Variants in CDH12 observed in about 807,000 individuals in gnomAD.
CDH12 encodes the protein cadherin 12.
A neutral mutation model predicts 74.1 loss-of-function variants in CDH12; 41 were observed. The observed-to-expected ratio is 0.55, with a 90% confidence interval of 0.43 to 0.72. The LOEUF (loss-of-function observed/expected upper bound fraction) is 0.72. CDH12 is among the 30% of genes least tolerant of loss of function. The pLI is 0.00. For synonymous variants in CDH12, 399 were observed against 355.0 expected (o/e 1.12, Z -1.39); for missense variants, 945 against 977.2 (o/e 0.97, Z 0.44).
At position 22,392,704 on chromosome 5, in the gene CDH12, T is replaced by C. The variant is rs115649674; in HGVS notation, c.-333+12553A>G. Among the ~76,000 whole-genome samples, 1,066 of 152,270 alleles carry C rather than the reference T, an allele frequency of 7.0e-3. 9 individuals carry two copies. Among genetic ancestry groups the C allele is most frequent in the African/African-American group, 0.025 (1,020 of 41,546 alleles). ...ATTGTTTAAAGCACAGCAGAATGCATTGTGAATCCTGGATTGTAGGAAAGT... is the reference window on the plus strand; with the variant it reads ...ATTGTTTAAAGCACAGCAGAATGCACTGTGAATCCTGGATTGTAGGAAAGT... On this transcript the variant is annotated intron_variant, in intron 3 of 14. Coordinates refer to ENST00000382254, the MANE Select transcript of CDH12 (RefSeq NM_004061.5).
chr5:22,256,643 C>T (rs750923827), intron 3 of CDH12, among the ~76,000 whole-genome samples: 1 of 152,106 alleles, frequency 6.6e-6, no homozygotes, highest in Non-Finnish European at 1.5e-5. Flanking sequence ...ATGCCAGCTC[C>T]ATGACTATTA....
chr5:21,969,797 C>A (rs1305016478), intron 6 of CDH12, among the ~76,000 whole-genome samples: 2 of 151,972 alleles, frequency 1.3e-5, no homozygotes, highest in African/African-American at 2.4e-5. Flanking sequence ...TAAAAGTAAC[C>A]ATCATCAGTA....
rs1561224482 is a variant in CDH12, at chr5:21,833,036, A to ATT, written c.814+9124_814+9125insAA. Among the ~76,000 whole-genome samples the ATT allele has an allele frequency of 2.9e-5, 2 of 69,728 alleles. 1 individual carries two copies. Among genetic ancestry groups the ATT allele is most frequent in the African/African-American group, 1.3e-4 (2 of 15,794 alleles). The allele number at this position is 69,728 out of a possible 152,430, so 45.7% of individuals were successfully genotyped here. A position where few individuals can be genotyped will look rare whatever the true frequency, so the allele number is the denominator to read the frequency against. On this transcript the variant is annotated intron_variant, in intron 8 of 14. Transcript: ENST00000382254. The stretch of plus-strand genomic sequence containing the variant: ...ATATATGATATAATATATAATATAT[A>ATT]ATATATAATATATATTATATGTTAT...
intron 1 of CDH12, among the ~76,000 whole-genome samples, chr5:22,731,658 G>A (rs1744436203): frequency 6.6e-6 from 1 of 151,740 alleles, no homozygotes; most frequent in African/African-American, 2.4e-5. Context: ...GTTTACTTAT[G>A]GAAGTATAGG....
intron 4 of CDH12, among the ~76,000 whole-genome samples, chr5:22,079,375 G>C (rs963812013): frequency 1.3e-5 from 2 of 151,932 alleles, no homozygotes; most frequent in African/African-American, 4.8e-5. Context: ...TCCCCTAGGG[G>C]AGCAAAAAAT....
chr5:22,703,942 AG>A (rs1433843635), intron 1 of CDH12, among the ~76,000 whole-genome samples: 64 of 152,178 alleles, frequency 4.2e-4, no homozygotes, highest in Non-Finnish European at 8.2e-4. Context: ...TTAACATAAT[AG>A]ACGTATTTGG....
At chr5:22,529,136 C>CAT (rs1180879529) in intron 1 of CDH12, among the ~76,000 whole-genome samples, 4 of 77,468 alleles carry the variant, frequency 5.2e-5, no homozygotes, top group South Asian at 3.6e-4. Context: ...TGAATATATG[C>CAT]ATATATATAC....
rs1162159527 is a variant in CDH12, at chr5:22,361,402, A to G, written c.-333+43855T>C. On this transcript the variant is annotated intron_variant, in intron 3 of 14. Transcript: ENST00000382254. Reference sequence around the variant, plus strand: ...GTGAAGGACCTCTTCAAGGAGAACTACAAATCACTGCTCAATGAAATAAAA... The same window carrying G: ...GTGAAGGACCTCTTCAAGGAGAACTGCAAATCACTGCTCAATGAAATAAAA... Among the ~76,000 whole-genome samples, 3 of 152,326 alleles carry G rather than the reference A, an allele frequency of 2.0e-5. No homozygotes were observed. In the East Asian group the frequency reaches 5.8e-4, roughly 29 times the overall value.
At chr5:22,348,216 T>A (rs1181520483) in intron 3 of CDH12, among the ~76,000 whole-genome samples, 5 of 152,212 alleles carry the variant, frequency 3.3e-5, no homozygotes, top group Non-Finnish European at 7.4e-5. Flanking sequence ...TCTGACATTT[T>A]ACTGAGATAA....
chr5:22,832,960 T>A (rs1411761841), intron 1 of CDH12, among the ~76,000 whole-genome samples: 1 of 152,204 alleles, frequency 6.6e-6, no homozygotes, highest in Non-Finnish European at 1.5e-5. Context: ...ATCTTTTTAA[T>A]CAGCAAAAAT....
rs540351398 is a variant in CDH12, at chr5:22,799,604, C to T, written c.-523+53454G>A. Among the ~76,000 whole-genome samples, 86 of 152,176 alleles carry T rather than the reference C, an allele frequency of 5.7e-4. 1 individual carries two copies. The highest frequency in any genetic ancestry group is 3.4e-3 in the Middle Eastern group (1 of 292). On this transcript the variant is annotated intron_variant, in intron 1 of 14. Coordinates refer to ENST00000382254, the MANE Select transcript of CDH12 (RefSeq NM_004061.5). ...TTATATGTGACACTTTTTAAAAATACGTGTGCTCTTTAATTGACTTATTGC... is the reference window on the plus strand; with the variant it reads ...TTATATGTGACACTTTTTAAAAATATGTGTGCTCTTTAATTGACTTATTGC...
intron 4 of CDH12, among the ~76,000 whole-genome samples, chr5:22,130,335 G>T (rs1270983405): frequency 1.3e-5 from 2 of 151,942 alleles, no homozygotes; most frequent in Non-Finnish European, 2.9e-5. Context: ...GGCAGTGCTG[G>T]ATGATCGTGA....
chr5:21,976,558 CAT>C (rs1338335243), intron 5 of CDH12, among the ~76,000 whole-genome samples: 8 of 150,346 alleles, frequency 5.3e-5, no homozygotes, highest in Non-Finnish European at 8.9e-5. Flanking sequence ...ATATACATAA[CAT>C]AGTCTTATAA....
chr5:21,795,167 A>G (rs555867008), intron 10 of CDH12, among the ~76,000 whole-genome samples: 75 of 151,352 alleles, frequency 5.0e-4, no homozygotes, highest in Non-Finnish European at 1.0e-3. Context: ...GTTCATGATT[A>G]TTTGCAAAGC....
intron 1 of CDH12, among the ~76,000 whole-genome samples, chr5:22,803,215 A>G (rs533534508): frequency 6.6e-6 from 1 of 152,346 alleles, no homozygotes; most frequent in East Asian, 1.9e-4. Flanking sequence ...TTAGTCTTCC[A>G]CATCTCCAAA....
At chr5:22,708,773 A>G (rs1743149482) in intron 1 of CDH12, among the ~76,000 whole-genome samples, 1 of 152,182 alleles carries the variant, frequency 6.6e-6, no homozygotes, top group African/African-American at 2.4e-5. Context: ...AAAATAGAAA[A>G]ATGAATATAA....
At chr5:22,757,635 C>T (rs542950943) in intron 1 of CDH12, among the ~76,000 whole-genome samples, 1 of 152,032 alleles carries the variant, frequency 6.6e-6, no homozygotes, top group African/African-American at 2.4e-5. Flanking sequence ...ATTTTTAATC[C>T]TTCATGTGTC....
chr5:22,229,860 T>TAC (rs150657280), intron 3 of CDH12, among the ~76,000 whole-genome samples: 2,900 of 148,708 alleles, frequency 0.02, 31 homozygotes, highest in African/African-American at 0.033. Flanking sequence ...TTCTAATTGA[T>TAC]ACACACACAC....
Position 22,136,525 on chromosome 5 carries a change from C to T in CDH12, c.-186-57663G>A, listed in dbSNP as rs182047539. Among the ~76,000 whole-genome samples the T allele has an allele frequency of 6.9e-3, 1,050 of 151,366 alleles. 10 individuals carry two copies. Among genetic ancestry groups the T allele is most frequent in the Non-Finnish European group, 0.011 (771 of 67,774 alleles). ...GAACCTTTTGGAGACCTATATTTGG[C>T]ACTAAAAATACCATTATGAAGAAGA... On this transcript the variant is annotated intron_variant, in intron 4 of 14. Coordinates refer to ENST00000382254, the MANE Select transcript of CDH12 (RefSeq NM_004061.5).
Sources: gnomAD v4.1 joint callset for allele counts (sites outside exome capture counted in the v4.1 genomes callset) on GRCh38, gnomAD v4.1.1 for gene constraint, MANE v1.5 for transcripts, NCBI Gene and HGNC (gene_info 2026-07-23, HGNC 2026-07-21) for gene names.